Variants in TTC7B observed in about 807,000 individuals in gnomAD.
TTC7B encodes the protein tetratricopeptide repeat protein 7B.
TTC7B carries 28 observed loss-of-function variants against 106.8 expected under a neutral mutation model. That is an observed-to-expected ratio of 0.26 (90% CI 0.19 to 0.36). The LOEUF (loss-of-function observed/expected upper bound fraction) is 0.36, where lower values mean the gene tolerates loss of function less well. TTC7B is among the 10% of genes least tolerant of loss of function. The pLI is 1.00. For missense variants in TTC7B, 862 were observed against 1,076.4 expected (o/e 0.80, Z 2.79); for synonymous variants, 405 against 430.6 (o/e 0.94, Z 0.74).
chr14:90,647,335 C>A, intron 13 of TTC7B: 1 of 290,698 alleles, frequency 3.4e-6, no homozygotes, highest in South Asian at 4.7e-5. Context: ...GTCTGATCTC[C>A]CCAGCAGATG....
chr14:90,564,836 G>A (rs1042849259), intron 19 of TTC7B, among the ~76,000 whole-genome samples: 1 of 152,176 alleles, frequency 6.6e-6, no homozygotes, highest in South Asian at 2.1e-4. Flanking sequence ...ACTTGAGCCC[G>A]GGAGTTCAAG....
At chr14:90,602,762 G>T (rs1434988408) in intron 17 of TTC7B, among the ~76,000 whole-genome samples, 1 of 151,296 alleles carries the variant, frequency 6.6e-6, no homozygotes, top group Non-Finnish European at 1.5e-5. Flanking sequence ...TTAAATTTTG[G>T]TAGATACATT....
intron 17 of TTC7B, among the ~76,000 whole-genome samples, chr14:90,599,126 G>T (rs1228463610): frequency 6.6e-6 from 1 of 151,654 alleles, no homozygotes; most frequent in African/African-American, 2.4e-5. Context: ...CTGGGTGACA[G>T]AGCGAGATTC....
In TTC7B at chr14:90,757,997, C is replaced by A. The variant is rs1890359516; in HGVS notation, c.446-13075G>T. On this transcript the variant is annotated intron_variant, in intron 3 of 19. Transcript: ENST00000328459. The surrounding 1 kb of genome is among the most constrained non-coding windows in gnomAD (Gnocchi z 4.1). ...CTACGAGAGTCTCTATAAATATGGT[C>A]TCAGAAAACAATAAAGGGGCACATC... Among the ~76,000 whole-genome samples the A allele has an allele frequency of 6.6e-6, 1 of 152,020 alleles. No individual in the cohort carries two copies. Among genetic ancestry groups the A allele is most frequent in the Non-Finnish European group, 1.5e-5 (1 of 68,012 alleles).
chr14:90,640,875 G>C (rs1042926630), intron 15 of TTC7B, among the ~76,000 whole-genome samples: 1 of 152,200 alleles, frequency 6.6e-6, no homozygotes, highest in African/African-American at 2.4e-5. Context: ...CAACTTAAAA[G>C]TGAAGGATCT....
At chr14:90,787,027 A>G (rs555422179) in intron 1 of TTC7B, among the ~76,000 whole-genome samples, 9 of 152,328 alleles carry the variant, frequency 5.9e-5, no homozygotes, top group Admixed American at 5.9e-4. Flanking sequence ...TGAAATCCCC[A>G]GCTCTGGTGC....
intron 16 of TTC7B, among the ~76,000 whole-genome samples, chr14:90,616,464 C>A (rs1893077988): frequency 6.6e-6 from 1 of 151,458 alleles, no homozygotes; most frequent in East Asian, 2.0e-4. Flanking sequence ...CCCAGCAGCA[C>A]AGCGCCGCGC....
At chr14:90,708,242 T>C (rs1888295128) in intron 5 of TTC7B, among the ~76,000 whole-genome samples, 1 of 151,318 alleles carries the variant, frequency 6.6e-6, no homozygotes, top group Non-Finnish European at 1.5e-5. Context: ...CTGAGGTCAT[T>C]AATGAAGGTG....
chr14:90,734,421 C>CAAAAA (rs34498613), intron 4 of TTC7B, among the ~76,000 whole-genome samples: 1 of 119,792 alleles, frequency 8.3e-6, no homozygotes, highest in African/African-American at 3.4e-5. Flanking sequence ...CTCTGTCTCC[C>CAAAAA]AAAAAAAAAA....
At chr14:90,744,621 T>A (rs534730635) in intron 4 of TTC7B, among the ~76,000 whole-genome samples, 171 bp downstream of exon 4, 22 of 152,296 alleles carry the variant, frequency 1.4e-4, no homozygotes, top group African/African-American at 5.3e-4. Context: ...CCATCTATTT[T>A]TCATAAGCTA....
chr14:90,721,567 G>C (rs538069486), intron 5 of TTC7B, among the ~76,000 whole-genome samples: 1 of 152,174 alleles, frequency 6.6e-6, no homozygotes, highest in East Asian at 1.9e-4. Flanking sequence ...GAAGACGATA[G>C]ACTAGCTTTT....
At chr14:90,660,419 A>C (rs1426396618) in intron 9 of TTC7B, among the ~76,000 whole-genome samples, 3 of 147,748 alleles carry the variant, frequency 2.0e-5, no homozygotes, top group African/African-American at 5.0e-5. Flanking sequence ...AAAAAAAAAA[A>C]AAGAAAAGAA....
At chr14:90,585,339 A>C (rs1891668815) in intron 18 of TTC7B, among the ~76,000 whole-genome samples, 1 of 152,192 alleles carries the variant, frequency 6.6e-6, no homozygotes, top group Admixed American at 6.5e-5. Flanking sequence ...TCCTGGCCTC[A>C]GCCCCGCTGT....
At chr14:90,630,653 C>T (rs1000485481) in intron 15 of TTC7B, among the ~76,000 whole-genome samples, 3 of 152,206 alleles carry the variant, frequency 2.0e-5, no homozygotes, top group Non-Finnish European at 1.5e-5. Context: ...CCCATTCCCC[C>T]TCCCAGCCCT....
chr14:90,743,136 A>C (rs540997400), intron 4 of TTC7B, among the ~76,000 whole-genome samples: 2 of 152,326 alleles, frequency 1.3e-5, no homozygotes, highest in South Asian at 4.1e-4. Context: ...TTCTCTTCTC[A>C]TAGCAACCTT....
At chr14:90,767,425 A>AG (rs1253223919) in intron 3 of TTC7B, among the ~76,000 whole-genome samples, 3 of 152,180 alleles carry the variant, frequency 2.0e-5, no homozygotes, top group African/African-American at 7.2e-5. Flanking sequence ...CAGTGTTGGG[A>AG]GGTAGGGCCT....
At chr14:90,748,744 C>T (rs1215315619) in intron 3 of TTC7B, among the ~76,000 whole-genome samples, 1 of 152,170 alleles carries the variant, frequency 6.6e-6, no homozygotes, top group African/African-American at 2.4e-5. Context: ...TACTTTTACA[C>T]AGGTTAAAAA....
intron 9 of TTC7B, among the ~76,000 whole-genome samples, chr14:90,666,498 T>A (rs1432078288): frequency 1.3e-5 from 2 of 152,160 alleles, no homozygotes; most frequent in African/African-American, 4.8e-5. Context: ...CAAATTAAAA[T>A]GGAGTTTGAG....
intron 3 of TTC7B, among the ~76,000 whole-genome samples, chr14:90,751,079 T>C (rs1890119869): frequency 6.6e-6 from 1 of 152,246 alleles, no homozygotes; most frequent in African/African-American, 2.4e-5. Context: ...TTATTTTCTT[T>C]TTTCCAGAGA....
Sources: allele counts gnomAD v4.1 joint callset (sites outside exome capture counted in the v4.1 genomes callset), GRCh38; gene constraint gnomAD v4.1.1; non-coding constraint Gnocchi (gnomAD v3.1); transcripts MANE v1.5; gene names NCBI Gene and HGNC (gene_info 2026-07-23, HGNC 2026-07-21).